Variants in SUFU observed in about 807,000 individuals in gnomAD.
SUFU encodes the protein SUFU negative regulator of hedgehog signaling.
A neutral mutation model predicts 58.9 loss-of-function variants in SUFU; 7 were observed. That is an observed-to-expected ratio of 0.12 (90% confidence interval 0.07 to 0.22). The LOEUF is 0.22. SUFU is among the 10% of genes least tolerant of loss of function. SUFU has a pLI of 1.00. For missense variants in SUFU, 451 were observed against 641.3 expected (o/e 0.70, Z 3.20); for synonymous variants, 232 against 254.8 (o/e 0.91, Z 0.85).
At chr10:102,581,174 T>G (rs1490347146) in intron 3 of SUFU, among the ~76,000 whole-genome samples, 1 of 95,186 alleles carries the variant, frequency 1.1e-5, no homozygotes, top group Non-Finnish European at 1.9e-5. Flanking sequence ...AGAGAGACTC[T>G]GTCTCCAAAA....
At chr10:102,580,029 A>ACCCCCCCCCCCCC (rs71474507) in intron 3 of SUFU, among the ~76,000 whole-genome samples, 4 of 84,652 alleles carry the variant, frequency 4.7e-5, no homozygotes, top group South Asian at 4.0e-4. Flanking sequence ...CCTCCCCCGC[A>ACCCCCCCCCCCCC]CCCCCCCCCC....
At chr10:102,605,125 G>T (rs962775968) in intron 8 of SUFU, among the ~76,000 whole-genome samples, 1 of 151,824 alleles carries the variant, frequency 6.6e-6, no homozygotes, top group Admixed American at 6.5e-5. Context: ...CACCATGTTG[G>T]TCAGGCTGGT....
At chr10:102,623,800 C>T (rs1418158339) in intron 10 of SUFU, among the ~76,000 whole-genome samples, 1 of 152,152 alleles carries the variant, frequency 6.6e-6, no homozygotes, top group Non-Finnish European at 1.5e-5. Flanking sequence ...ATTAGCCGGA[C>T]ATGGTGATGG....
chr10:102,627,464 C>T (rs954315665), intron 11 of SUFU, among the ~76,000 whole-genome samples: 2 of 152,246 alleles, frequency 1.3e-5, no homozygotes, highest in African/African-American at 4.8e-5. Context: ...CCCTCACCAT[C>T]CCCTGCCCTA....
chr10:102,558,837 G>A (rs1206674414), intron 3 of SUFU, among the ~76,000 whole-genome samples: 1 of 152,226 alleles, frequency 6.6e-6, no homozygotes, highest in African/African-American at 2.4e-5. Context: ...AGGAGATGTC[G>A]ATGGAGCGGG....
At chr10:102,610,392 CA>C (rs541858690) in intron 8 of SUFU, among the ~76,000 whole-genome samples, 4 of 124,064 alleles carry the variant, frequency 3.2e-5, no homozygotes, top group African/African-American at 1.2e-4. Flanking sequence ...GACTCTGTCT[CA>C]AAAAAAAAAA....
chr10:102,535,203 A>G (rs916521794), intron 2 of SUFU, among the ~76,000 whole-genome samples: 1 of 152,000 alleles, frequency 6.6e-6, no homozygotes, highest in Admixed American at 6.6e-5. Flanking sequence ...AAGAGACAAC[A>G]GGGCCGGGCG....
chr10:102,590,213 T>C (rs1268824958), intron 3 of SUFU, among the ~76,000 whole-genome samples: 3 of 129,086 alleles, frequency 2.3e-5, no homozygotes, highest in African/African-American at 8.6e-5. Context: ...TCACCCAGGC[T>C]AGAGTGCAGT....
At chr10:102,607,098 G>A (rs939010472) in intron 8 of SUFU, among the ~76,000 whole-genome samples, 1 of 148,340 alleles carries the variant, frequency 6.7e-6, no homozygotes, top group East Asian at 2.0e-4. Flanking sequence ...TGACTCTGTC[G>A]CCTTGGCTGG....
At chr10:102,518,373 A>C (rs906086519) in intron 2 of SUFU, among the ~76,000 whole-genome samples, 5 of 152,158 alleles carry the variant, frequency 3.3e-5, no homozygotes, top group African/African-American at 9.7e-5. Context: ...GGAGAATTCT[A>C]TTCAGAATTA....
intron 3 of SUFU, among the ~76,000 whole-genome samples, chr10:102,563,271 G>T (rs10786684): frequency 0.45 from 69,006 of 151,990 alleles, 16,060 homozygotes; most frequent in East Asian, 0.68. Flanking sequence ...TTCCACTGCC[G>T]TTAGCTAGTA....
At chr10:102,622,603 A>T (rs889230770) in intron 10 of SUFU, among the ~76,000 whole-genome samples, 4 of 151,226 alleles carry the variant, frequency 2.6e-5, no homozygotes, top group African/African-American at 9.7e-5. Context: ...TTAGCCGGGC[A>T]TGGCGGCGGG....
At chr10:102,623,471 T>C (rs1475643286) in intron 10 of SUFU, among the ~76,000 whole-genome samples, 1 of 152,192 alleles carries the variant, frequency 6.6e-6, no homozygotes, top group African/African-American at 2.4e-5. Flanking sequence ...CTGGTGGAGG[T>C]TGGGACTGCT....
rs1056561986 is a variant in SUFU, at chr10:102,629,234, C to T, written c.1366-832C>T. On this transcript the variant is annotated intron_variant, in intron 11 of 11. Transcript: ENST00000369902. This position sits in a 1 kb window ranked among gnomAD's most constrained non-coding sequence, Gnocchi z 4.7. ...GCAGTGAGCATTTATTGAGCTCCAT[C>T]TGTGTGCCAGACTGCATGCAAAGTT... Among the ~76,000 whole-genome samples the T allele has an allele frequency of 1.3e-5, 2 of 152,218 alleles. No homozygotes were observed. The highest frequency in any genetic ancestry group is 2.9e-5 in the Non-Finnish European group (2 of 68,034).
intron 8 of SUFU, among the ~76,000 whole-genome samples, chr10:102,601,871 A>G (rs1457361062): frequency 6.6e-6 from 1 of 152,210 alleles, no homozygotes; most frequent in Non-Finnish European, 1.5e-5. Flanking sequence ...AGCGTGGGCC[A>G]TATTTTGTCT....
In SUFU at chr10:102,509,026, GGAGA is replaced by G. The variant is rs2062364874; in HGVS notation, c.183-140_183-137del. 2.6e-6 allele frequency: 3 copies of G among 1,138,320 alleles called. No individual in the cohort carries two copies. The South Asian group carries it at 3.8e-5, about 14-fold the overall frequency. The allele number at this position is 1,138,320 out of a possible 1,614,324, so 70.5% of individuals were successfully genotyped here. On this transcript the variant is annotated intron_variant, in intron 1 of 11. Transcript: ENST00000369902. ...GCTGTCCATCCCTTAGTCTCATTCT[GGAGA>G]GATGTGGCCTCTGTTTAGTTACCTT...
At chr10:102,558,437 C>T (rs1471735451) in intron 3 of SUFU, among the ~76,000 whole-genome samples, 1 of 152,182 alleles carries the variant, frequency 6.6e-6, no homozygotes, top group African/African-American at 2.4e-5. Flanking sequence ...TCTTGAACTC[C>T]TGGGCTCAAG....
At chr10:102,578,297 G>A (rs923459269) in intron 3 of SUFU, among the ~76,000 whole-genome samples, 15 of 149,878 alleles carry the variant, frequency 1.0e-4, no homozygotes, top group Non-Finnish European at 1.8e-4. Context: ...GAGGCTTGGG[G>A]CCAGGCATGA....
chr10:102,543,922 G>A (rs1290866765), intron 2 of SUFU, among the ~76,000 whole-genome samples: 1 of 152,174 alleles, frequency 6.6e-6, no homozygotes, highest in East Asian at 1.9e-4. Flanking sequence ...TGGTCACACA[G>A]CCATAAGAAG....
Sources: allele counts gnomAD v4.1 joint callset (sites outside exome capture counted in the v4.1 genomes callset), GRCh38; gene constraint gnomAD v4.1.1; non-coding constraint Gnocchi (gnomAD v3.1); transcripts MANE v1.5; gene names NCBI Gene and HGNC (gene_info 2026-07-23, HGNC 2026-07-21).